The following CNTN5 variants were observed in gnomAD, a reference collection of about 807,000 sequenced individuals.
CNTN5 encodes the protein contactin 5, also known as contactin-5.
In CNTN5, 77 loss-of-function variants were observed where a neutral mutation model predicts 129.1. The ratio of observed to expected loss-of-function variants is 0.60; its 90% CI spans 0.50 to 0.72. CNTN5 has a LOEUF of 0.72. Among genes scored for constraint, CNTN5 ranks in the 30% least tolerant of loss-of-function variants. The pLI, the probability that CNTN5 is intolerant of heterozygous loss-of-function variation, is 0.00. For missense variants in CNTN5, 1,478 were observed against 1,328.8 expected, an observed-to-expected ratio of 1.11 and a Z score of -1.75; for synonymous variants, 509 against 465.6, an observed-to-expected ratio of 1.09 and a Z score of -1.20.
intron 1 of CNTN5, among the ~76,000 whole-genome samples, chr11:99,094,182 C>G (rs1866375538): frequency 6.6e-6 from 1 of 151,920 alleles, no homozygotes; most frequent in Admixed American, 6.6e-5. Context: ...TAATATCTAT[C>G]ATTCTCACAA....
intron 8 of CNTN5, among the ~76,000 whole-genome samples, chr11:100,000,685 G>A (rs1291503397): frequency 6.6e-6 from 1 of 152,190 alleles, no homozygotes; most frequent in Non-Finnish European, 1.5e-5. Context: ...CCTCTGCATT[G>A]CCCTAGTAGA....
At chr11:99,559,350 C>T (rs775608453) in intron 3 of CNTN5, among the ~76,000 whole-genome samples, 3 of 151,998 alleles carry the variant, frequency 2.0e-5, no homozygotes, top group Non-Finnish European at 4.4e-5. Flanking sequence ...TACGGATTAT[C>T]TTGGGTGTGT....
intron 18 of CNTN5, among the ~76,000 whole-genome samples, chr11:100,281,513 C>T (rs1007046561): frequency 2.0e-5 from 3 of 151,894 alleles, no homozygotes; most frequent in Non-Finnish European, 2.9e-5. Context: ...TTTTTAGGAT[C>T]TTTTCTTTAT....
At chr11:99,202,670 T>C (rs1239049877) in intron 1 of CNTN5, among the ~76,000 whole-genome samples, 3 of 151,916 alleles carry the variant, frequency 2.0e-5, no homozygotes, top group South Asian at 4.1e-4. Context: ...TTTTTTACTA[T>C]GCAGTACTTA....
rs1457873203 is a variant in CNTN5, at chr11:99,486,400, C to A, written c.-70-69745C>A. On this transcript the variant is annotated intron_variant, in intron 2 of 24. Transcript: ENST00000524871. ...TATTCCCTAAATCTTTGTATCCAAG[C>A]ATAGTGCATAACAAATAATGGGTTC... is the stretch of plus-strand genomic sequence containing the variant. Among the ~76,000 whole-genome samples the A allele has an allele frequency of 2.6e-5, 4 of 152,170 alleles. No homozygotes were observed. In the South Asian group the frequency reaches 8.3e-4, roughly 32 times the overall value.
chr11:99,533,058 ATCAAAAATACAAAAAT>A (rs1947773776), intron 2 of CNTN5, among the ~76,000 whole-genome samples: 2 of 152,186 alleles, frequency 1.3e-5, no homozygotes, highest in South Asian at 4.1e-4. Context: ...CCACATCTCT[ATCAAAAATACAAAAAT>A]TAGCCATGTA....
intron 13 of CNTN5, among the ~76,000 whole-genome samples, chr11:100,147,275 T>C (rs554526215): frequency 2.0e-4 from 31 of 152,240 alleles, no homozygotes; most frequent in Non-Finnish European, 4.3e-4. Flanking sequence ...CACGCATTCA[T>C]AGGGGAAAGG....
At chr11:99,736,580 C>T (rs983097122) in intron 3 of CNTN5, among the ~76,000 whole-genome samples, 6 of 152,182 alleles carry the variant, frequency 3.9e-5, no homozygotes, top group African/African-American at 1.4e-4. Context: ...AGTTTTCTTA[C>T]ATCCAAGATC....
At chr11:99,443,920 G>T (rs1287286771) in intron 2 of CNTN5, among the ~76,000 whole-genome samples, 5 of 151,950 alleles carry the variant, frequency 3.3e-5, no homozygotes, top group Admixed American at 3.3e-4. Context: ...AAATATAGGT[G>T]GGTGCCGTGG....
intron 7 of CNTN5, among the ~76,000 whole-genome samples, chr11:99,941,248 T>G (rs1950428517): frequency 6.6e-6 from 1 of 152,206 alleles, no homozygotes; most frequent in South Asian, 2.1e-4. Context: ...TTAGGATACA[T>G]GCATTCCCAG....
At chr11:99,566,234 C>G (rs368090153) in intron 3 of CNTN5, among the ~76,000 whole-genome samples, 99 of 152,176 alleles carry the variant, frequency 6.5e-4, no homozygotes, top group African/African-American at 2.2e-3. Flanking sequence ...CACCTTCCCC[C>G]TCACTATTGC....
chr11:100,073,837 T>C (rs894030994), intron 12 of CNTN5, among the ~76,000 whole-genome samples: 1 of 152,160 alleles, frequency 6.6e-6, no homozygotes, highest in African/African-American at 2.4e-5. Context: ...AGCCTTTTGC[T>C]CTTTTGCCAA....
At chr11:100,215,222 T>A (rs913771456) in intron 15 of CNTN5, among the ~76,000 whole-genome samples, 1 of 152,220 alleles carries the variant, frequency 6.6e-6, no homozygotes, top group Non-Finnish European at 1.5e-5. Context: ...CCAGAATAGA[T>A]GTCCCAATGG....
At chr11:99,782,115 C>A (rs1249140860) in intron 3 of CNTN5, among the ~76,000 whole-genome samples, 5 of 151,328 alleles carry the variant, frequency 3.3e-5, no homozygotes, top group Admixed American at 6.6e-5. Flanking sequence ...AGCTGATAAG[C>A]AACTTCAGCA....
chr11:99,900,428 G>C (rs1300067095), intron 6 of CNTN5, among the ~76,000 whole-genome samples: 1 of 151,774 alleles, frequency 6.6e-6, no homozygotes, highest in African/African-American at 2.4e-5. Context: ...GATTCAGTTT[G>C]ATAGTATTTT....
chr11:100,337,383 A>C, intron 21 of CNTN5: 1 of 789,126 alleles, frequency 1.3e-6, no homozygotes, highest in East Asian at 2.5e-5. Context: ...AGCCCTCAGC[A>C]GAGAGAGCAC....
Position 99,453,500 on chromosome 11 carries a change from C to A in CNTN5, c.-70-102645C>A, listed in dbSNP as rs886981706. Among the ~76,000 whole-genome samples the A allele has an allele frequency of 3.3e-4, 50 of 152,182 alleles. 2 individuals carry two copies. Among genetic ancestry groups the A allele is most frequent in the Middle Eastern group, 3.4e-3 (1 of 294 alleles). On this transcript the variant is annotated intron_variant, in intron 2 of 24. Coordinates refer to ENST00000524871, the MANE Select transcript of CNTN5 (RefSeq NM_014361.4). Reference sequence around the variant, plus strand: ...ATACAAGATTTCTTTTGTCTAACAGCTTTTGTAAATAGCAAAAACAACCAA... The same window carrying A: ...ATACAAGATTTCTTTTGTCTAACAGATTTTGTAAATAGCAAAAACAACCAA...
chr11:99,299,300 A>G (rs1247850958), intron 1 of CNTN5, among the ~76,000 whole-genome samples: 1 of 152,196 alleles, frequency 6.6e-6, no homozygotes, highest in Non-Finnish European at 1.5e-5. Context: ...AATAAAAATA[A>G]TACATGATAA....
chr11:100,029,539 C>T (rs1047561713), intron 9 of CNTN5, among the ~76,000 whole-genome samples: 7 of 151,928 alleles, frequency 4.6e-5, no homozygotes, highest in South Asian at 2.1e-4. Context: ...GCCGAGATGG[C>T]GCCACTGAAC....
Sources: allele counts gnomAD v4.1 joint callset (sites outside exome capture counted in the v4.1 genomes callset), GRCh38; gene constraint gnomAD v4.1.1; transcripts MANE v1.5; gene names NCBI Gene and HGNC (gene_info 2026-07-23, HGNC 2026-07-21).